AAMDC: variants seen among roughly 807,000 people sequenced by gnomAD.
AAMDC encodes the protein mth938 domain-containing protein.
A neutral mutation model predicts 15.5 loss-of-function variants in AAMDC; 16 were observed. The observed-to-expected ratio is 1.03, with a 90% CI of 0.70 to 1.57. The LOEUF is 1.57. Ranked by LOEUF, AAMDC falls within the 40% of genes most tolerant of loss-of-function variation. The pLI is 0.00. For missense variants in AAMDC, 141 were observed against 144.9 expected, an observed-to-expected ratio of 0.97 and a Z score of 0.14; for synonymous variants, 51 against 51.6, an observed-to-expected ratio of 0.99 and a Z score of 0.05.
chr11:77,903,194 T>TCA (rs1382841181), downstream of AAMDC, among the ~76,000 whole-genome samples: 3 of 152,266 alleles, frequency 2.0e-5, no homozygotes, highest in Non-Finnish European at 2.9e-5. Flanking sequence ...AAGTGAGTGC[T>TCA]GTGTCTCCTA....
chr11:77,829,739 AAAAT>A (rs1270530085), intron 1 of AAMDC: 4 of 152,234 alleles, frequency 2.6e-5, no homozygotes, highest in African/African-American at 7.2e-5. Context: ...AACAAAAGGA[AAAAT>A]AAATTAATAG....
intron 2 of AAMDC, among the ~76,000 whole-genome samples, chr11:77,859,558 G>A (rs1052703243): frequency 6.6e-6 from 1 of 152,148 alleles, no homozygotes; most frequent in Non-Finnish European, 1.5e-5. Flanking sequence ...GCCCGAGTGA[G>A]GGCTATTAGT....
At chr11:77,834,756 G>T (rs975134976) in intron 1 of AAMDC, among the ~76,000 whole-genome samples, 1 of 152,068 alleles carries the variant, frequency 6.6e-6, no homozygotes, top group South Asian at 2.1e-4. Flanking sequence ...GCTAGGAAAA[G>T]ACTGAATAAG....
intron 1 of AAMDC, among the ~76,000 whole-genome samples, chr11:77,840,385 C>T (rs745348466): frequency 1.3e-5 from 2 of 152,000 alleles, no homozygotes; most frequent in East Asian, 1.9e-4. Flanking sequence ...AAAAATTAGC[C>T]GGGCATGGTA....
chr11:77,902,944 C>T (rs1196464516), downstream of AAMDC, among the ~76,000 whole-genome samples: 1 of 152,284 alleles, frequency 6.6e-6, no homozygotes, highest in African/African-American at 2.4e-5. Context: ...ATGAAAGATT[C>T]ATGATAGTAG....
chr11:77,856,546 A>G lies in AAMDC; in HGVS notation c.133-13176A>G, dbSNP rs182502630. 3.2e-4 allele frequency among the ~76,000 whole-genome samples: 48 copies of G among 152,310 alleles called. 1 individual carries two copies. The highest frequency in any genetic ancestry group is 3.1e-3 in the Admixed American group (47 of 15,294). On this transcript the variant is annotated intron_variant, in intron 2 of 3. Transcript: ENST00000393427. ...TATAAAGAGCTACCTGAGACTGGAT[A>G]GTTTCTAGAGAAAAGAGTTTTAATT...
intron 5 of AAMDC, among the ~76,000 whole-genome samples, chr11:77,896,424 G>A (rs1952520419): frequency 6.6e-6 from 1 of 152,176 alleles, no homozygotes; most frequent in Admixed American, 6.5e-5. Context: ...GGCTGAGGCA[G>A]GCGGATCACC....
At chr11:77,872,029 C>A in intron 3 of AAMDC, 146 bp from the exon 4 acceptor site, 1 of 822,612 alleles carries the variant, frequency 1.2e-6, no homozygotes, top group Non-Finnish European at 1.7e-6. Flanking sequence ...GGCTCACTGC[C>A]AAATTTTGGA....
chr11:77,831,131 C>G (rs1949406512), intron 1 of AAMDC, among the ~76,000 whole-genome samples: 1 of 151,896 alleles, frequency 6.6e-6, no homozygotes, highest in Admixed American at 6.6e-5. Flanking sequence ...GACAACAAAG[C>G]AAGACCCTGT....
chr11:77,837,999 G>A (rs929022192), intron 1 of AAMDC, among the ~76,000 whole-genome samples: 6 of 152,172 alleles, frequency 3.9e-5, no homozygotes, highest in African/African-American at 1.4e-4. Context: ...CTGGAGCCCA[G>A]GGGCTTGAGG....
chr11:77,824,078 T>C (rs1216554383), intron 1 of AAMDC, among the ~76,000 whole-genome samples: 1 of 152,206 alleles, frequency 6.6e-6, no homozygotes, highest in Non-Finnish European at 1.5e-5. Flanking sequence ...CACCCAAAGA[T>C]AAGAAGTGTT....
At chr11:77,841,275 T>A in intron 1 of AAMDC, 1 of 702,138 alleles carries the variant, frequency 1.4e-6, no homozygotes, top group South Asian at 1.5e-5. Context: ...AACATGAGTT[T>A]GGAAGGGTGC....
Position 77,879,685 on chromosome 11 carries a change from T to C in AAMDC, c.328+2636T>C, listed in dbSNP as rs567831013. Among the ~76,000 whole-genome samples, 72 of 152,298 alleles carry C rather than the reference T, an allele frequency of 4.7e-4. 3 individuals are homozygous for C. The South Asian group carries it at 0.015, about 31-fold the overall frequency. Reference sequence around the variant, plus strand: ...TCTTTCATTACATTATCTTACGATATAATCATCTAGTGTCTCTATGTGGCA... The same window carrying C: ...TCTTTCATTACATTATCTTACGATACAATCATCTAGTGTCTCTATGTGGCA... On this transcript the variant is annotated intron_variant, in intron 5 of 5. Coordinates refer to the AAMDC transcript ENST00000304716.
intron 5 of AAMDC, chr11:77,883,748 TCAAAC>T: frequency 7.0e-7 from 1 of 1,435,210 alleles, no homozygotes; most frequent in Admixed American, 2.1e-5. Flanking sequence ...TGTATTTTTT[TCAAAC>T]TTTAAAAACC....
intron 5 of AAMDC, among the ~76,000 whole-genome samples, chr11:77,879,611 A>C (rs1951715184): frequency 6.6e-6 from 1 of 152,182 alleles, no homozygotes; most frequent in Non-Finnish European, 1.5e-5. Context: ...TTTCTGGCCA[A>C]TGAACAGGAA....
intron 2 of AAMDC, 42 bp from the exon 3 acceptor site, chr11:77,869,680 A>G (rs755674502): frequency 2.5e-6 from 4 of 1,571,706 alleles, no homozygotes; most frequent in East Asian, 2.2e-5. Context: ...GCAATGAAAG[A>G]TTGAGAGCAG....
intron 5 of AAMDC, chr11:77,883,777 T>G: frequency 1.3e-6 from 2 of 1,587,544 alleles, no homozygotes; most frequent in Non-Finnish European, 1.7e-6. Context: ...CGCTTAAGGG[T>G]AGGTGTGATC....
At chr11:77,842,765 C>A in intron 2 of AAMDC, 137 bp downstream of exon 2, 1 of 1,229,518 alleles carries the variant, frequency 8.1e-7, no homozygotes, top group Non-Finnish European at 1.1e-6. Flanking sequence ...TAAATTCACC[C>A]TTTTAAAGTA....
At chr11:77,897,625 C>G (rs973637314) in intron 5 of AAMDC, among the ~76,000 whole-genome samples, 1 of 149,650 alleles carries the variant, frequency 6.7e-6, no homozygotes, top group African/African-American at 2.5e-5. Flanking sequence ...CTCAGCCTCC[C>G]GAGTAGCTGG....
Sources: allele counts gnomAD v4.1 joint callset (sites outside exome capture counted in the v4.1 genomes callset), GRCh38; gene constraint gnomAD v4.1.1; transcripts MANE v1.5; gene names NCBI Gene and HGNC (gene_info 2026-07-23, HGNC 2026-07-21).